SCGB2A1: variants seen among roughly 807,000 people sequenced by gnomAD.
The protein encoded by SCGB2A1 is mammaglobin-B.
In SCGB2A1, 6 loss-of-function variants were observed where a neutral mutation model predicts 9.2. The observed-to-expected ratio is 0.66, with a 90% confidence interval of 0.36 to 1.29. The LOEUF is 1.29. SCGB2A1 is among the 50% of genes most tolerant of loss of function. SCGB2A1 has a pLI of 0.03. For missense variants in SCGB2A1, 138 were observed against 116.9 expected, an observed-to-expected ratio of 1.18 and a Z score of -0.83; for synonymous variants, 37 against 41.0, an observed-to-expected ratio of 0.90 and a Z score of 0.37.
intron 1 of SCGB2A1, 68 bp from the exon 2 acceptor site, chr11:62,210,345 A>T: frequency 6.7e-7 from 1 of 1,499,736 alleles, no homozygotes; most frequent in Non-Finnish European, 8.8e-7. Flanking sequence ...ATTCATCTGT[A>T]GAATGAATCA....
At chr11:62,213,107 T>TATATATATATATATATATATATATA (rs1554985927) in intron 2 of SCGB2A1, among the ~76,000 whole-genome samples, 2 of 11,302 alleles carry the variant, frequency 1.8e-4, no homozygotes, top group African/African-American at 1.8e-4. Context: ...TATATATATA[T>TATATATATATATATATATATATATA]TTTTTTTTTT....
At chr11:62,210,725 A>C (rs1944823439) in intron 2 of SCGB2A1, 125 bp downstream of exon 2, 3 of 684,192 alleles carry the variant, frequency 4.4e-6, no homozygotes, top group Non-Finnish European at 6.8e-6. Context: ...AATTCATTAA[A>C]CTTTGTCTCC....
chr11:62,209,492 A>T (rs1944810183), intron 1 of SCGB2A1, among the ~76,000 whole-genome samples: 1 of 152,160 alleles, frequency 6.6e-6, no homozygotes, highest in Non-Finnish European at 1.5e-5. Flanking sequence ...TAGAAGGGTG[A>T]CAAGCTCACA....
chr11:62,209,607 C>T (rs1223267375), intron 1 of SCGB2A1, among the ~76,000 whole-genome samples: 1 of 150,948 alleles, frequency 6.6e-6, no homozygotes, highest in Non-Finnish European at 1.5e-5. Flanking sequence ...CCTCAGATCC[C>T]CTCATGAACA....
At chr11:62,209,634 C>CGTGTGTGTGT (rs1565120340) in intron 1 of SCGB2A1, among the ~76,000 whole-genome samples, 1 of 82,372 alleles carries the variant, frequency 1.2e-5, no homozygotes, top group South Asian at 6.2e-4. Context: ...ATTTCACATT[C>CGTGTGTGTGT]ATGTGTGTGT....
At chr11:62,208,832 C>T (rs745697610) in intron 1 of SCGB2A1, 46 bp downstream of exon 1, 36 of 1,588,862 alleles carry the variant, frequency 2.3e-5, no homozygotes, top group Non-Finnish European at 2.9e-5. Flanking sequence ...GGAATTGTCA[C>T]CTGGGCCCCT....
chr11:62,212,729 T>G (rs1417904357), intron 2 of SCGB2A1, among the ~76,000 whole-genome samples: 1 of 151,886 alleles, frequency 6.6e-6, no homozygotes, highest in South Asian at 2.1e-4. Context: ...CTTGTTTCCG[T>G]TTTTTTGTCT....
chr11:62,209,027 G>A (rs576270268), intron 1 of SCGB2A1, among the ~76,000 whole-genome samples: 4 of 152,200 alleles, frequency 2.6e-5, no homozygotes, highest in South Asian at 2.1e-4. Context: ...CCATGGTCAC[G>A]GTGACCATAG....
rs1486613201 is a variant in SCGB2A1 at position 62,210,469 on chromosome 11, T to C, written c.112T>C (p.Ser38Pro). 2.5e-6 allele frequency: 4 copies of C among 1,584,582 alleles called. No homozygotes were observed. The highest frequency in any genetic ancestry group is 3.4e-6 in the Non-Finnish European group (4 of 1,167,228). The change falls in exon 2 of 3, where the codon TCT (serine) becomes CCT (proline). Residue 38 changes from serine to proline, a missense_variant. Ser to Pro is a moderately conservative substitution (Grantham distance 74). Transcript: ENST00000244930. ...TGAAAAGACCATCAATTCCGACATA[T>C]CTATACCTGAATACAAAGAGCTTCT... ...MVEKTINSDI[S>P]IPEYKELLQE...
intron 2 of SCGB2A1, among the ~76,000 whole-genome samples, chr11:62,212,039 C>T (rs1028778932): frequency 1.5e-4 from 23 of 152,008 alleles, no homozygotes; most frequent in Middle Eastern, 3.4e-3. Flanking sequence ...TCTCCTGCCT[C>T]AGTCTTCGGA....
intron 1 of SCGB2A1, among the ~76,000 whole-genome samples, chr11:62,209,791 C>A (rs1944814042): frequency 1.3e-5 from 2 of 152,148 alleles, no homozygotes; most frequent in Non-Finnish European, 2.9e-5. Context: ...GCTCCTGCCT[C>A]AGCCTCCCGA....
At chr11:62,210,392 T>C (rs1173167925) in intron 1 of SCGB2A1, 21 bp from the exon 2 acceptor site, 1 of 569,356 alleles carries the variant, frequency 1.8e-6, no homozygotes, top group Non-Finnish European at 2.1e-6. Flanking sequence ...GTGTCTTTTT[T>C]TTTTTTTTTT....
At chr11:62,213,026 A>ATGTGCACG (rs1829626433) in intron 2 of SCGB2A1, among the ~76,000 whole-genome samples, 1 of 55,856 alleles carries the variant, frequency 1.8e-5, no homozygotes, top group African/African-American at 6.0e-5. Context: ...ATATATACAT[A>ATGTGCACG]TATACACACA....
At chr11:62,213,021 T>TAC (rs1488669416) in intron 2 of SCGB2A1, among the ~76,000 whole-genome samples, 43 of 67,278 alleles carry the variant, frequency 6.4e-4, no homozygotes, top group Admixed American at 2.0e-3. Flanking sequence ...TGCACATATA[T>TAC]ACATATATAC....
rs1565121323 is a variant in SCGB2A1 at position 62,212,978 on chromosome 11, G to GTACACACATA, written c.244-747_244-746insACACACATAT. ...TATGTACACATATGTACACATATAT[G>GTACACACATA]TGCACATATACATGCATATATGTAC... On this transcript the variant is annotated intron_variant, in intron 2 of 2. Coordinates refer to ENST00000244930, the MANE Select transcript of SCGB2A1 (RefSeq NM_002407.3). 9.9e-4 allele frequency among the ~76,000 whole-genome samples: 146 copies of GTACACACATA among 147,508 alleles called. 1 individual carries two copies. Among genetic ancestry groups the GTACACACATA allele is most frequent in the African/African-American group, 3.5e-3 (137 of 39,686 alleles).
rs67975205 is a variant in SCGB2A1, at chr11:62,213,106, A to ATATATTTTTTT, written c.244-619_244-618insATATTTTTTTT. Among the ~76,000 whole-genome samples the ATATATTTTTTT allele has an allele frequency of 2.2e-3, 258 of 116,218 alleles. 13 individuals are homozygous for ATATATTTTTTT. The highest frequency in any genetic ancestry group is 4.8e-3 in the East Asian group (20 of 4,142). 76.2% of individuals were successfully genotyped at this position (116,218 alleles called of 152,430 possible). A position where few individuals can be genotyped will look rare whatever the true frequency, so the allele number is the denominator to read the frequency against. ...CATATATACACATATATATATATAT[A>ATATATTTTTTT]TTTTTTTTTTTGTAGAGATGGCATT... On this transcript the variant is annotated intron_variant, in intron 2 of 2. Coordinates refer to ENST00000244930, the MANE Select transcript of SCGB2A1 (RefSeq NM_002407.3).
intron 1 of SCGB2A1, among the ~76,000 whole-genome samples, chr11:62,209,111 A>G (rs1215041752): frequency 6.6e-6 from 1 of 152,178 alleles, no homozygotes; most frequent in East Asian, 1.9e-4. Context: ...TGGCATCTAC[A>G]CCTAGAAATC....
chr11:62,213,778 C>G lies in SCGB2A1; in HGVS notation c.*8C>G. 6.2e-7 allele frequency: 1 copy of G among 1,613,344 alleles called. No homozygotes were observed. Among genetic ancestry groups the G allele is most frequent in the Non-Finnish European group, 8.5e-7 (1 of 1,179,472 alleles). On this transcript the variant is annotated 3_prime_UTR_variant, in exon 3 of 3. Coordinates refer to ENST00000244930, the MANE Select transcript of SCGB2A1 (RefSeq NM_002407.3). ...AATATGAAGAGTAATTAACTTTACC[C>G]AAGGCGTTTGGCTCAGAGGGCTACA...
chr11:62,212,714 T>G (rs1207148447), intron 2 of SCGB2A1, among the ~76,000 whole-genome samples: 1 of 151,660 alleles, frequency 6.6e-6, no homozygotes, highest in Non-Finnish European at 1.5e-5. Context: ...AAAACTCCAG[T>G]GTTTCTTGTT....
Sources: gnomAD v4.1 joint callset for allele counts (sites outside exome capture counted in the v4.1 genomes callset) on GRCh38, gnomAD v4.1.1 for gene constraint, MANE v1.5 for transcripts, NCBI Gene and HGNC (gene_info 2026-07-23, HGNC 2026-07-21) for gene names.